Variants in ADAM23 observed in about 807,000 individuals in gnomAD.
The protein encoded by ADAM23 is ADAM metallopeptidase domain 23, also known as disintegrin and metalloproteinase domain-containing protein 23.
In ADAM23, 33 loss-of-function variants were observed where a neutral mutation model predicts 120.1. That is an observed-to-expected ratio of 0.27 (90% confidence interval 0.21 to 0.37). The LOEUF (loss-of-function observed/expected upper bound fraction) is 0.37. ADAM23 is among the 10% of genes least tolerant of loss of function. The pLI is 1.00. For missense variants in ADAM23, 862 were observed against 1,058.2 expected (o/e 0.81, Z 2.57); for synonymous variants, 367 against 375.2 (o/e 0.98, Z 0.25).
chr2:206,464,770 C>T (rs190686383), intron 2 of ADAM23, among the ~76,000 whole-genome samples: 8 of 151,774 alleles, frequency 5.3e-5, no homozygotes, highest in Middle Eastern at 6.8e-3. Flanking sequence ...CAGAACTGGG[C>T]GGGGGAGGCT....
At chr2:206,495,023 T>G (rs947889445) in intron 3 of ADAM23, among the ~76,000 whole-genome samples, 136 of 152,290 alleles carry the variant, frequency 8.9e-4, no homozygotes, top group African/African-American at 3.1e-3. Context: ...CTACGTCTAA[T>G]TGGTGTACCT....
chr2:206,515,783 G>A (rs907821034), intron 3 of ADAM23, among the ~76,000 whole-genome samples: 4 of 152,040 alleles, frequency 2.6e-5, no homozygotes, highest in African/African-American at 9.7e-5. Context: ...GGAGAAAGTT[G>A]CCTTTTGTTC....
At chr2:206,521,427 C>T (rs1696840009) in intron 3 of ADAM23, among the ~76,000 whole-genome samples, 1 of 152,164 alleles carries the variant, frequency 6.6e-6, no homozygotes, top group African/African-American at 2.4e-5. Flanking sequence ...ATTAAAGGAA[C>T]TATGCTTCTT....
chr2:206,579,350 A>G (rs922987360), intron 18 of ADAM23, among the ~76,000 whole-genome samples: 1 of 152,042 alleles, frequency 6.6e-6, no homozygotes, highest in African/African-American at 2.4e-5. Context: ...TTTCTTCTAG[A>G]ATTTTTATAG....
chr2:206,526,217 A>C (rs539724181), intron 3 of ADAM23, among the ~76,000 whole-genome samples: 72 of 152,000 alleles, frequency 4.7e-4, no homozygotes, highest in African/African-American at 1.5e-3. Context: ...CATACATATA[A>C]AACTTTCCTG....
intron 3 of ADAM23, among the ~76,000 whole-genome samples, chr2:206,486,657 TTTC>T (rs1398658422): frequency 2.0e-5 from 3 of 152,088 alleles, no homozygotes; most frequent in African/African-American, 7.2e-5. Flanking sequence ...ACTTCTTCCT[TTTC>T]TTCATTTTTC....
intron 21 of ADAM23, among the ~76,000 whole-genome samples, chr2:206,590,294 C>T (rs1212450568): frequency 2.0e-5 from 3 of 152,134 alleles, no homozygotes; most frequent in Non-Finnish European, 2.9e-5. Flanking sequence ...GATAGGGTTT[C>T]ACCATGTTGG....
chr2:206,476,077 C>T (rs56149421), intron 2 of ADAM23, among the ~76,000 whole-genome samples: 11,334 of 152,156 alleles, frequency 0.074, 489 homozygotes, highest in Middle Eastern at 0.12. Context: ...CTGACTTTTG[C>T]GGTCTCTAAT....
At chr2:206,599,010 G>A (rs1698584777) in intron 24 of ADAM23, among the ~76,000 whole-genome samples, 1 of 151,836 alleles carries the variant, frequency 6.6e-6, no homozygotes, top group Middle Eastern at 3.2e-3. Context: ...TTTGAGACCA[G>A]CCTGGCCAAC....
chr2:206,537,197 C>T (rs1407928068), intron 4 of ADAM23, among the ~76,000 whole-genome samples: 1 of 151,974 alleles, frequency 6.6e-6, no homozygotes, highest in Non-Finnish European at 1.5e-5. Flanking sequence ...TCAGTATAAC[C>T]ACATCACCCT....
intron 24 of ADAM23, among the ~76,000 whole-genome samples, chr2:206,603,157 A>T (rs544267320): frequency 2.6e-5 from 4 of 152,302 alleles, no homozygotes; most frequent in South Asian, 2.1e-4. Context: ...TAATGAATAA[A>T]TTACAGAATA....
intron 2 of ADAM23, among the ~76,000 whole-genome samples, chr2:206,463,420 C>T (rs1347361366): frequency 5.9e-5 from 9 of 152,174 alleles, no homozygotes; most frequent in Admixed American, 5.9e-4. Flanking sequence ...CAGATGGAGC[C>T]AGCCCTGCCA....
At chr2:206,602,895 A>G (rs1698665904) in intron 24 of ADAM23, among the ~76,000 whole-genome samples, 1 of 152,206 alleles carries the variant, frequency 6.6e-6, no homozygotes, top group Non-Finnish European at 1.5e-5. Context: ...GAAATAAGCA[A>G]GTAAACAAAA....
chr2:206,518,666 A>G (rs568581851), intron 3 of ADAM23, among the ~76,000 whole-genome samples: 4 of 152,310 alleles, frequency 2.6e-5, no homozygotes, highest in Non-Finnish European at 2.9e-5. Flanking sequence ...ATGAATTTCT[A>G]TGTAAAGGAA....
chr2:206,514,892 A>G (rs1174091748), intron 3 of ADAM23, among the ~76,000 whole-genome samples: 2 of 152,218 alleles, frequency 1.3e-5, no homozygotes. Flanking sequence ...TTTTAGCAAT[A>G]AAGTATTTTT....
At chr2:206,543,942 G>C (rs544621791) in intron 6 of ADAM23, among the ~76,000 whole-genome samples, 1 of 152,178 alleles carries the variant, frequency 6.6e-6, no homozygotes, top group Non-Finnish European at 1.5e-5. Flanking sequence ...AGGACACAAA[G>C]GCATAAGAAT....
At chr2:206,574,629 A>G (rs1024871110) in intron 18 of ADAM23, among the ~76,000 whole-genome samples, 1 of 152,168 alleles carries the variant, frequency 6.6e-6, no homozygotes. Flanking sequence ...TGCCCAATGT[A>G]GAAAATAAGG....
At chr2:206,468,820 C>T (rs35937632) in intron 2 of ADAM23, among the ~76,000 whole-genome samples, 42,343 of 152,080 alleles carry the variant, frequency 0.28, 6,025 homozygotes, top group South Asian at 0.31. Flanking sequence ...TTAATTGGCT[C>T]ATGGTTCTGT....
intron 4 of ADAM23, among the ~76,000 whole-genome samples, chr2:206,540,914 A>G (rs1413472047): frequency 1.4e-5 from 2 of 147,520 alleles, no homozygotes; most frequent in Non-Finnish European, 3.0e-5. Flanking sequence ...AATAATAAAA[A>G]TTATTATTTT....
Sources: allele counts gnomAD v4.1 joint callset (sites outside exome capture counted in the v4.1 genomes callset), GRCh38; gene constraint gnomAD v4.1.1; transcripts MANE v1.5; gene names NCBI Gene and HGNC (gene_info 2026-07-23, HGNC 2026-07-21).